The following APBA2 variants were observed in gnomAD, a reference collection of about 807,000 sequenced individuals.
The protein encoded by APBA2 is amyloid beta precursor protein binding family A member 2.
In APBA2, 30 loss-of-function variants were observed where a neutral mutation model predicts 75.0. The ratio of observed to expected loss-of-function variants is 0.40; its 90% CI spans 0.30 to 0.54. The LOEUF (loss-of-function observed/expected upper bound fraction) is 0.54. Among genes scored for constraint, APBA2 ranks in the 20% least tolerant of loss-of-function variants. APBA2 has a pLI of 0.49. For synonymous variants in APBA2, 444 were observed against 409.6 expected, an observed-to-expected ratio of 1.08 and a Z score of -1.01; for missense variants, 801 against 1,016.1, an observed-to-expected ratio of 0.79 and a Z score of 2.88.
intron 2 of APBA2, among the ~76,000 whole-genome samples, chr15:28,995,264 G>C (rs141703786): frequency 5.2e-4 from 79 of 152,264 alleles, no homozygotes; most frequent in Non-Finnish European, 5.0e-4. Context: ...CCCAGGAGAA[G>C]GTGGGCTGAG....
At chr15:28,886,399 A>G (rs1391067486) in intron 1 of APBA2, 121 bp downstream of exon 1, 2 of 150,650 alleles carry the variant, frequency 1.3e-5, no homozygotes, top group East Asian at 2.0e-4. Flanking sequence ...AGCGCTCCAG[A>G]GCGCTGCCCT....
At chr15:29,076,915 C>T (rs2042876540) in intron 6 of APBA2, among the ~76,000 whole-genome samples, 1 of 152,046 alleles carries the variant, frequency 6.6e-6, no homozygotes, top group Admixed American at 6.6e-5. Context: ...GAACTGAAGC[C>T]CCCAAATTCG....
intron 1 of APBA2, among the ~76,000 whole-genome samples, chr15:28,886,817 G>T (rs1232790547): frequency 6.6e-6 from 1 of 152,162 alleles, no homozygotes; most frequent in African/African-American, 2.4e-5. Context: ...CCCACACCCC[G>T]TTGCTCCTGG....
intron 13 of APBA2, among the ~76,000 whole-genome samples, chr15:29,109,057 T>G (rs1194470909): frequency 6.6e-6 from 1 of 152,136 alleles, no homozygotes; most frequent in Non-Finnish European, 1.5e-5. Context: ...ATGTGGCCAC[T>G]AAGTGGAGTA....
In APBA2 at chr15:28,933,482, C is replaced by G. The variant is rs138620545; in HGVS notation, c.-95+11733C>G. On this transcript the variant is annotated intron_variant, in intron 2 of 14. Transcript: ENST00000683413. ...CCACTTTCTGTCATGTATAATCTACCCAGTTTATGGTATTTTGTGAGAGTA... is the reference window on the plus strand; with the variant it reads ...CCACTTTCTGTCATGTATAATCTACGCAGTTTATGGTATTTTGTGAGAGTA... Among the ~76,000 whole-genome samples, 5 of 152,086 alleles carry G rather than the reference C, an allele frequency of 3.3e-5. No individual in the cohort carries two copies. In the East Asian group the frequency reaches 9.6e-4, roughly 29 times the overall value.
At chr15:29,076,454 T>A (rs1488327442) in intron 6 of APBA2, among the ~76,000 whole-genome samples, 4 of 152,314 alleles carry the variant, frequency 2.6e-5, no homozygotes, top group South Asian at 2.1e-4. Context: ...TCAGGCTTTT[T>A]TTTTTTTTTT....
intron 9 of APBA2, among the ~76,000 whole-genome samples, chr15:29,101,294 A>G (rs892216296): frequency 8.6e-5 from 13 of 151,398 alleles, no homozygotes; most frequent in African/African-American, 2.9e-4. Flanking sequence ...CAGTGGCGCA[A>G]TCTCGGCTCG....
intron 4 of APBA2, among the ~76,000 whole-genome samples, chr15:29,055,083 G>A (rs1030478195): frequency 1.3e-5 from 2 of 152,310 alleles, no homozygotes; most frequent in East Asian, 1.9e-4. Context: ...CTCGTGTCTC[G>A]CAGAAGACAC....
intron 1 of APBA2, among the ~76,000 whole-genome samples, chr15:28,897,027 G>T (rs1286515951): frequency 6.6e-6 from 1 of 152,092 alleles, no homozygotes; most frequent in African/African-American, 2.4e-5. Context: ...GACACAACTG[G>T]ACCTCACATC....
At chr15:28,919,165 TG>T (rs2033836563) in intron 1 of APBA2, among the ~76,000 whole-genome samples, 1 of 152,080 alleles carries the variant, frequency 6.6e-6, no homozygotes, top group African/African-American at 2.4e-5. Context: ...CGGCCGGTTG[TG>T]GGGATTATCT....
chr15:29,094,426 C>T (rs1464378950), intron 8 of APBA2, 113 bp downstream of exon 8: 1 of 1,026,446 alleles, frequency 9.7e-7, no homozygotes, highest in East Asian at 2.4e-5. Flanking sequence ...TGTTGCAAAG[C>T]AGCTTTTCCT....
intron 4 of APBA2, among the ~76,000 whole-genome samples, chr15:29,073,430 A>G (rs146893816): frequency 6.6e-6 from 1 of 152,326 alleles, no homozygotes; most frequent in Non-Finnish European, 1.5e-5. Context: ...AGCTCACTGC[A>G]ACCTCCGCCT....
chr15:28,887,856 G>A (rs2031858096), intron 1 of APBA2, among the ~76,000 whole-genome samples: 1 of 152,162 alleles, frequency 6.6e-6, no homozygotes, highest in South Asian at 2.1e-4. Context: ...GATGGCATTA[G>A]CGATGGGGCA....
Position 28,920,124 on chromosome 15 carries a change from G to C in APBA2, c.-204-1516G>C, listed in dbSNP as rs181362214. ...CCAGGTAGGAGCCTGAGAGGGAATG[G>C]GAGAAGTGGTCACGAATGATTGTGA... On this transcript the variant is annotated intron_variant, in intron 1 of 14. Coordinates refer to ENST00000683413, the MANE Select transcript of APBA2 (RefSeq NM_001353788.2). Among the ~76,000 whole-genome samples the C allele has an allele frequency of 7.2e-5, 11 of 152,306 alleles. 1 individual carries two copies. The highest frequency in any genetic ancestry group is 2.6e-4 in the African/African-American group (11 of 41,562).
chr15:28,992,526 G>A (rs60946455), intron 2 of APBA2, among the ~76,000 whole-genome samples: 14,926 of 152,192 alleles, frequency 0.098, 964 homozygotes, highest in East Asian at 0.27. Context: ...ACTAAATGCC[G>A]ACAGCCTCAG....
chr15:29,079,252 C>G (rs922825303), intron 6 of APBA2, among the ~76,000 whole-genome samples: 10 of 151,996 alleles, frequency 6.6e-5, no homozygotes. Flanking sequence ...CTGACCCATC[C>G]AGGGAGTTCT....
chr15:29,080,708 G>A (rs1225390441), intron 6 of APBA2, among the ~76,000 whole-genome samples: 1 of 152,102 alleles, frequency 6.6e-6, no homozygotes, highest in Non-Finnish European at 1.5e-5. Context: ...CTGCTTAGAG[G>A]GTCACTGCCT....
chr15:29,026,745 C>T (rs1339141691), intron 3 of APBA2, among the ~76,000 whole-genome samples: 6 of 143,676 alleles, frequency 4.2e-5, no homozygotes, highest in South Asian at 2.2e-4. Context: ...AACCCCGTCT[C>T]TACTGAAAAT....
chr15:28,973,737 T>C (rs58436862), intron 2 of APBA2, among the ~76,000 whole-genome samples: 19,953 of 152,106 alleles, frequency 0.13, 1,852 homozygotes, highest in East Asian at 0.44. Context: ...AAAATAGAAA[T>C]AATGAATAAA....
Sources: allele counts gnomAD v4.1 joint callset (sites outside exome capture counted in the v4.1 genomes callset), GRCh38; gene constraint gnomAD v4.1.1; transcripts MANE v1.5; gene names NCBI Gene and HGNC (gene_info 2026-07-23, HGNC 2026-07-21).